Variants in THBS4 observed in about 807,000 individuals in gnomAD.
THBS4 encodes the protein thrombospondin-4.
A neutral mutation model predicts 115.7 loss-of-function variants in THBS4; 90 were observed. The observed-to-expected ratio is 0.78, with a 90% CI of 0.66 to 0.93. The LOEUF is 0.93. Among genes scored for constraint, THBS4 ranks in the 40% least tolerant of loss-of-function variants. The pLI, the probability that THBS4 is intolerant of heterozygous loss-of-function variation, is 0.00. For synonymous variants in THBS4, 460 were observed against 479.3 expected (o/e 0.96, Z 0.53); for missense variants, 1,087 against 1,232.7 (o/e 0.88, Z 1.77).
At chr5:79,999,398 C>T (rs920531091) in intron 2 of THBS4, among the ~76,000 whole-genome samples, 1 of 152,084 alleles carries the variant, frequency 6.6e-6, no homozygotes, top group Non-Finnish European at 1.5e-5. Context: ...GCCAAGTCTA[C>T]TAGGGAGCAA....
upstream of THBS4, among the ~76,000 whole-genome samples, chr5:80,030,864 A>G (rs1832573624): frequency 6.6e-6 from 1 of 152,192 alleles, no homozygotes; most frequent in African/African-American, 2.4e-5. Flanking sequence ...TCAAAAATTC[A>G]AGTGGAAAAC....
Position 80,073,345 on chromosome 5 carries a change from A to C in THBS4, c.1892+18A>C. On this transcript the variant is annotated intron_variant, in intron 15 of 21. Coordinates refer to ENST00000350881, the MANE Select transcript of THBS4 (RefSeq NM_003248.6). ...CAGGACAGGTATGGCATGTCTCCCA[A>C]CTGCAGAGAGACAGATGCAAACATC... 1 of 1,611,156 alleles carries C rather than the reference A, an allele frequency of 6.2e-7. No homozygotes were observed. The highest frequency in any genetic ancestry group is 8.5e-7 in the Non-Finnish European group (1 of 1,178,148).
At chr5:80,004,869 C>T (rs988869873) in intron 2 of THBS4, among the ~76,000 whole-genome samples, 3 of 152,038 alleles carry the variant, frequency 2.0e-5, no homozygotes, top group Non-Finnish European at 4.4e-5. Context: ...TCCTGAATAG[C>T]TGGGATTACA....
At chr5:79,999,675 C>G (rs553690129) in intron 2 of THBS4, among the ~76,000 whole-genome samples, 1 of 152,288 alleles carries the variant, frequency 6.6e-6, no homozygotes, top group Non-Finnish European at 1.5e-5. Flanking sequence ...TTGGAGGATT[C>G]TTTGCTTTAT....
intron 2 of THBS4, among the ~76,000 whole-genome samples, chr5:80,028,094 A>G (rs1190457936): frequency 6.6e-6 from 1 of 152,154 alleles, no homozygotes; most frequent in East Asian, 1.9e-4. Flanking sequence ...GCACACCTGC[A>G]ATCCCAGCTA....
At chr5:79,993,779 C>A (rs1355860622) in intron 1 of THBS4, among the ~76,000 whole-genome samples, 1 of 152,106 alleles carries the variant, frequency 6.6e-6, no homozygotes, top group Non-Finnish European at 1.5e-5. Flanking sequence ...GATTAAGAAT[C>A]TGGGAAATGG....
intron 2 of THBS4, among the ~76,000 whole-genome samples, chr5:80,028,832 C>T (rs1051409035): frequency 3.9e-5 from 6 of 152,132 alleles, no homozygotes; most frequent in Non-Finnish European, 8.8e-5. Context: ...CTACTAGGCT[C>T]TTAATACTAG....
At chr5:80,048,183 A>T (rs1691486742) in intron 2 of THBS4, among the ~76,000 whole-genome samples, 1 of 152,238 alleles carries the variant, frequency 6.6e-6, no homozygotes, top group African/African-American at 2.4e-5. Flanking sequence ...AATGAAGATC[A>T]GACTAAATCT....
intron 2 of THBS4, among the ~76,000 whole-genome samples, chr5:80,010,570 G>A (rs1249838607): frequency 6.6e-6 from 1 of 152,232 alleles, no homozygotes; most frequent in Non-Finnish European, 1.5e-5. Flanking sequence ...CCAGCAAATA[G>A]CTTTCTTTTA....
At chr5:80,002,909 A>C (rs1413574382) in intron 2 of THBS4, among the ~76,000 whole-genome samples, 1 of 151,768 alleles carries the variant, frequency 6.6e-6, no homozygotes, top group Non-Finnish European at 1.5e-5. Flanking sequence ...TGTTATGTTA[A>C]CGAAAGATCA....
intron 2 of THBS4, among the ~76,000 whole-genome samples, chr5:80,007,636 G>A (rs1181816759): frequency 6.6e-6 from 1 of 152,192 alleles, no homozygotes; most frequent in African/African-American, 2.4e-5. Flanking sequence ...TGTACTTCTT[G>A]GGGTCCATCT....
intron 14 of THBS4, 26 bp downstream of exon 14, chr5:80,072,422 A>T (rs370865594): frequency 2.5e-6 from 4 of 1,585,046 alleles, no homozygotes; most frequent in East Asian, 2.2e-5. Context: ...GGGAATTCAA[A>T]CTCCAGGCTG....
chr5:80,048,137 A>T (rs972828277), intron 2 of THBS4, among the ~76,000 whole-genome samples: 1 of 152,162 alleles, frequency 6.6e-6, no homozygotes, highest in African/African-American at 2.4e-5. Flanking sequence ...ATAATTAAAA[A>T]TAATTTTTAA....
At position 80,056,037 on chromosome 5, in the gene THBS4, G is replaced by A. The variant is rs447875; in HGVS notation, c.540+5G>A. 814,346 of 1,589,594 alleles carry A rather than the reference G, an allele frequency of 0.51. 210,129 individuals are homozygous for A. Among genetic ancestry groups the A allele is most frequent in the African/African-American group, 0.63 (46,789 of 74,032 alleles). On this transcript the variant is annotated splice_donor_5th_base_variant and intron_variant, in intron 3 of 21. Coordinates refer to ENST00000350881, the MANE Select transcript of THBS4 (RefSeq NM_003248.6). The stretch of plus-strand genomic sequence containing the variant: ...ACTTTCCAGAGGAAGCCACAGGTAG[G>A]AACCCACAAACCATTCTCTGAAGTG...
In THBS4 at chr5:80,078,948, A is replaced by C. The variant is rs1348848235; in HGVS notation, c.2293A>C (p.Ser765Arg). The change falls in exon 18 of 22, where the codon AGT (serine) becomes CGT (arginine). Residue 765 changes from serine to arginine, a missense_variant. Around this residue, in one of 3 missense-constraint regions of THBS4, gnomAD observed 979 missense variants for 1,103.7 expected, o/e 0.89. Coordinates refer to ENST00000350881, the MANE Select transcript of THBS4 (RefSeq NM_003248.6). The stretch of plus-strand genomic sequence containing the variant: ...CATGGAGATTGTACAGACCATGAAC[A>C]GTGATCCTGGCCTGGCAGTGGGTAT... ...QGMEIVQTMN[S>R]DPGLAVGYTA... 6.2e-7 allele frequency: 1 copy of C among 1,614,048 alleles called. No individual in the cohort carries two copies. Among genetic ancestry groups the C allele is most frequent in the African/African-American group, 1.3e-5 (1 of 74,932 alleles).
In THBS4 at chr5:80,035,721, C is replaced by A; in HGVS notation, c.88+96C>A. The stretch of plus-strand genomic sequence containing the variant: ...CTTGCTCGGCCCTGTGCTCCTGTGG[C>A]CTTGCTCAGCCCCTCTCTGTCCCTC... On this transcript the variant is annotated intron_variant, in intron 1 of 21. Coordinates refer to ENST00000350881, the MANE Select transcript of THBS4 (RefSeq NM_003248.6). This position sits in a 1 kb window ranked among gnomAD's most constrained non-coding sequence, Gnocchi z 4.6. 1.2e-6 allele frequency: 1 copy of A among 848,678 alleles called. No individual in the cohort carries two copies. The highest frequency in any genetic ancestry group is 1.6e-6 in the Non-Finnish European group (1 of 632,212). The allele number at this position is 848,678 out of a possible 1,614,324, so 52.6% of individuals were successfully genotyped here.
intron 2 of THBS4, among the ~76,000 whole-genome samples, chr5:80,029,841 G>T (rs1222314778): frequency 1.3e-5 from 2 of 151,864 alleles, no homozygotes; most frequent in Non-Finnish European, 1.5e-5. Context: ...ATGGTGGTGG[G>T]CACCTTTAGT....
chr5:80,057,668 G>A (rs1833475234), intron 3 of THBS4, among the ~76,000 whole-genome samples: 1 of 152,052 alleles, frequency 6.6e-6, no homozygotes, highest in Non-Finnish European at 1.5e-5. Context: ...AAGATAAAAG[G>A]GCAAGGACAT....
chr5:80,074,653 T>C (rs1743106864), intron 15 of THBS4, among the ~76,000 whole-genome samples: 1 of 151,292 alleles, frequency 6.6e-6, no homozygotes, highest in Admixed American at 6.6e-5. Context: ...AGATGGAGTC[T>C]TGCTCTGTCA....
Sources: allele counts gnomAD v4.1 joint callset (sites outside exome capture counted in the v4.1 genomes callset), GRCh38; gene constraint gnomAD v4.1.1; regional missense constraint gnomAD v4.1.1; non-coding constraint Gnocchi (gnomAD v3.1); transcripts MANE v1.5; gene names NCBI Gene and HGNC (gene_info 2026-07-23, HGNC 2026-07-21).